Variants in OTUD5 observed in about 807,000 individuals in gnomAD.
OTUD5 encodes OTU domain-containing protein 5.
Under a neutral mutation model 36.3 loss-of-function variants are expected in OTUD5, and 2 were observed. That is an observed-to-expected ratio of 0.06 (90% confidence interval 0.02 to 0.17). The LOEUF (loss-of-function observed/expected upper bound fraction) is 0.17. Ranked by LOEUF, OTUD5 falls within the 10% of genes least tolerant of loss-of-function variation. The pLI is 1.00. For synonymous variants in OTUD5, 234 were observed against 214.9 expected, an observed-to-expected ratio of 1.09 and a Z score of -0.78; for missense variants, 233 against 512.3, an observed-to-expected ratio of 0.45 and a Z score of 5.26.
intron 6 of OTUD5, among the ~76,000 whole-genome samples, chrX:48,924,439 A>G (rs1391453292): frequency 2.7e-5 from 3 of 111,612 alleles, no homozygotes; most frequent in Non-Finnish European, 5.7e-5. Context: ...ACTAGCAGGC[A>G]AGGCGATCTT....
intron 2 of OTUD5, among the ~76,000 whole-genome samples, chrX:48,942,282 G>C (rs868920607): frequency 0.055 from 1,001 of 18,210 alleles, 22 homozygotes; most frequent in African/African-American, 0.097. Flanking sequence ...CACACACACA[G>C]AGAACAGCTA....
rs782719600 is a variant in OTUD5 at position 48,944,297 on chromosome X, G to A, written c.595-14C>T. ...CCAATGCTCCTGCTGGAGGGAAGAG[G>A]TGGGGGTCAGCAACAGGGAAAACCT... is the stretch of plus-strand genomic sequence containing the variant. On this transcript the variant is annotated splice_polypyrimidine_tract_variant and intron_variant, in intron 1 of 8. Transcript: ENST00000376488. 9.0e-7 allele frequency: 1 copy of A among 1,115,583 alleles called. No homozygotes were observed. Among genetic ancestry groups the A allele is most frequent in the East Asian group, 3.0e-5 (1 of 33,368 alleles). 91.9% of individuals were successfully genotyped at this position (1,115,583 alleles called of 1,213,427 possible). A position where few individuals can be genotyped will look rare whatever the true frequency, so the allele number is the denominator to read the frequency against.
At position 48,938,666 on chromosome X, in the gene OTUD5, C is replaced by G. The variant is rs1368908216; in HGVS notation, c.689-3648G>C. 4.6e-5 allele frequency among the ~76,000 whole-genome samples: 5 copies of G among 109,548 alleles called. No homozygotes were observed. The South Asian group carries it at 1.2e-3, about 26-fold the overall frequency. ...CCAAGATCACACCACTGCACTACAGCCTAGGCAACAAGAGCGAAACTCTGT... is the reference window on the plus strand; with the variant it reads ...CCAAGATCACACCACTGCACTACAGGCTAGGCAACAAGAGCGAAACTCTGT... On this transcript the variant is annotated intron_variant, in intron 2 of 8. Transcript: ENST00000376488.
chrX:48,936,974 C>A (rs2063838712), intron 2 of OTUD5, among the ~76,000 whole-genome samples: 1 of 111,704 alleles, frequency 9.0e-6, no homozygotes, highest in South Asian at 3.7e-4. Flanking sequence ...ACCTTCCCTG[C>A]CTTCCCCTTC....
At chrX:48,933,865 G>A (rs1029117294) in intron 5 of OTUD5, among the ~76,000 whole-genome samples, 1 of 112,055 alleles carries the variant, frequency 8.9e-6, no homozygotes, top group Non-Finnish European at 1.9e-5. Context: ...GTTTGTAGAA[G>A]TGAAACCTGA....
At chrX:48,958,175 A>G (rs1186909286), upstream of OTUD5, 1 of 113,281 alleles carries the variant, frequency 8.8e-6, no homozygotes, top group African/African-American at 3.2e-5. Context: ...CCTGGTTCCC[A>G]GCCTTTCTCC....
At position 48,923,177 on chromosome X, in the gene OTUD5, A is replaced by G. The variant is rs782115966; in HGVS notation, c.1698T>C (p.Ser566=). The G allele has an allele frequency of 8.3e-7, 1 of 1,207,791 alleles. No individual in the cohort carries two copies. Among genetic ancestry groups the G allele is most frequent in the South Asian group, 1.8e-5 (1 of 56,785 alleles). ...KVHRDPPPDK[S] ...GTGTCCAATCCCTGGGTCTCCATCA[A>G]CTCTTGTCTGGGGGCGGGTCTCTGT... The change falls in exon 9 of 9, where the codon AGT becomes AGC. Residue 566 remains serine, a synonymous_variant. Transcript: ENST00000376488.
At chrX:48,936,621 C>T (rs183095337) in intron 2 of OTUD5, among the ~76,000 whole-genome samples, 15 of 111,689 alleles carry the variant, frequency 1.3e-4, no homozygotes, top group African/African-American at 4.9e-4. Context: ...TGTGCATAGA[C>T]TTCTGCCCGA....
chrX:48,943,472 CTTCT>C (rs1325442635), intron 2 of OTUD5, among the ~76,000 whole-genome samples: 1 of 111,727 alleles, frequency 9.0e-6, no homozygotes, highest in African/African-American at 3.3e-5. Context: ...TAAAAATACT[CTTCT>C]TTCAGGGGAG....
At position 48,924,061 on chromosome X, in the gene OTUD5, G is replaced by A; in HGVS notation, c.1264-9C>T. Reference sequence around the variant, plus strand: ...GCGCTGGCTTTCCGGGGCTGCAGCGGGGAAGGTAAATGCGTTAAGGACCAC... The same window carrying A: ...GCGCTGGCTTTCCGGGGCTGCAGCGAGGAAGGTAAATGCGTTAAGGACCAC... On this transcript the variant is annotated splice_polypyrimidine_tract_variant and intron_variant, in intron 6 of 8. Transcript: ENST00000376488. 1 of 1,189,298 alleles carries A rather than the reference G, an allele frequency of 8.4e-7. No homozygotes were observed. The highest frequency in any genetic ancestry group is 1.1e-6 in the Non-Finnish European group (1 of 884,909).
At chrX:48,939,576 C>T (rs1433215862) in intron 2 of OTUD5, among the ~76,000 whole-genome samples, 3 of 111,694 alleles carry the variant, frequency 2.7e-5, no homozygotes, top group Non-Finnish European at 5.7e-5. Flanking sequence ...TGAGTAGATG[C>T]CCTTGCCACT....
At chrX:48,957,820 G>A (rs1273827335), upstream of OTUD5, 4 of 764,631 alleles carry the variant, frequency 5.2e-6, no homozygotes, top group Non-Finnish European at 4.6e-6. Context: ...AGTGCGGCGA[G>A]TTTGTCTTAG....
chrX:48,929,870 G>A (rs907836625), intron 5 of OTUD5, among the ~76,000 whole-genome samples: 2 of 111,544 alleles, frequency 1.8e-5, no homozygotes, highest in Non-Finnish European at 3.8e-5. Context: ...TTGGGAGGCC[G>A]AGGCGGGCGG....
At chrX:48,931,833 C>G (rs781998580) in intron 5 of OTUD5, among the ~76,000 whole-genome samples, 1 of 103,006 alleles carries the variant, frequency 9.7e-6, no homozygotes, top group South Asian at 4.3e-4. Flanking sequence ...AACAAATGTA[C>G]CATAATGATT....
intron 5 of OTUD5, among the ~76,000 whole-genome samples, chrX:48,928,826 CAA>C (rs782401982): frequency 1.6e-5 from 1 of 63,549 alleles, no homozygotes. Context: ...TACACTGTCT[CAA>C]AAAAAAAAAA....
At chrX:48,957,621 A>C, upstream of OTUD5, 1 of 798,090 alleles carries the variant, frequency 1.3e-6, no homozygotes, top group Non-Finnish European at 1.5e-6. Flanking sequence ...GCACGCCGGG[A>C]GAGAACCCGG....
intron 1 of OTUD5, among the ~76,000 whole-genome samples, chrX:48,946,460 A>G (rs2064032060): frequency 8.9e-6 from 1 of 111,851 alleles, no homozygotes; most frequent in South Asian, 3.7e-4. Context: ...GAGGGGAGGA[A>G]GAGGTGACAA....
chrX:48,951,963 G>A (rs898216852), intron 1 of OTUD5, among the ~76,000 whole-genome samples: 4 of 111,084 alleles, frequency 3.6e-5, no homozygotes, highest in Non-Finnish European at 7.6e-5. Flanking sequence ...GGCTGAGGCA[G>A]GAGAATCACT....
chrX:48,932,161 G>GATGATA (rs2063764358), intron 5 of OTUD5, among the ~76,000 whole-genome samples: 1 of 88,811 alleles, frequency 1.1e-5, no homozygotes, highest in Admixed American at 1.3e-4. Flanking sequence ...AAAAAAAGAT[G>GATGATA]ATAATAATAA....
Sources: gnomAD v4.1 joint callset for allele counts (sites outside exome capture counted in the v4.1 genomes callset) on GRCh38, gnomAD v4.1.1 for gene constraint, MANE v1.5 for transcripts, NCBI Gene and HGNC (gene_info 2026-07-23, HGNC 2026-07-21) for gene names.